Variants in HPSE2 observed in about 807,000 individuals in gnomAD.
The protein encoded by HPSE2 is inactive heparanase-2.
In HPSE2, 38 loss-of-function variants were observed where a neutral mutation model predicts 60.5. That is an observed-to-expected ratio of 0.63 (90% CI 0.48 to 0.82). The LOEUF is 0.82. Among genes scored for constraint, HPSE2 ranks in the 40% least tolerant of loss-of-function variants. HPSE2 has a pLI of 0.00. For missense variants in HPSE2, 713 were observed against 740.4 expected, an observed-to-expected ratio of 0.96 and a Z score of 0.43; for synonymous variants, 295 against 293.2, an observed-to-expected ratio of 1.01 and a Z score of -0.06.
intron 3 of HPSE2, among the ~76,000 whole-genome samples, chr10:99,095,567 C>G (rs990545679): frequency 2.0e-5 from 3 of 152,206 alleles, no homozygotes; most frequent in African/African-American, 7.2e-5. Context: ...TTCAAAGCCT[C>G]CAGTTCTAGT....
At chr10:98,558,223 A>T (rs1944070045) in intron 9 of HPSE2, among the ~76,000 whole-genome samples, 1 of 152,198 alleles carries the variant, frequency 6.6e-6, no homozygotes, top group Non-Finnish European at 1.5e-5. Context: ...TATTAAAGCC[A>T]AATGTAAACA....
chr10:98,888,228 C>T lies in HPSE2; in HGVS notation c.611-144172G>A, dbSNP rs1953229096. Among the ~76,000 whole-genome samples, 3 of 151,142 alleles carry T rather than the reference C, an allele frequency of 2.0e-5. 1 individual carries two copies. Among genetic ancestry groups the T allele is most frequent in the Non-Finnish European group, 4.4e-5 (3 of 67,830 alleles). ...CTGAAGAAAACGGAGCAAATAGATC[C>T]TTTGTTATCTTGACATATAGTTTCC... On this transcript the variant is annotated intron_variant, in intron 3 of 11. Coordinates refer to ENST00000370552, the MANE Select transcript of HPSE2 (RefSeq NM_021828.5).
chr10:98,557,941 A>T (rs371160488), intron 9 of HPSE2, among the ~76,000 whole-genome samples: 71 of 152,334 alleles, frequency 4.7e-4, no homozygotes, highest in Middle Eastern at 6.8e-3. Context: ...TATCCAGAAT[A>T]TATAAAGAAA....
At chr10:98,880,064 A>T (rs1952982690) in intron 3 of HPSE2, among the ~76,000 whole-genome samples, 1 of 151,996 alleles carries the variant, frequency 6.6e-6, no homozygotes, top group South Asian at 2.1e-4. Context: ...TTCTGTGTTT[A>T]TTATAATCTC....
At chr10:98,954,780 C>A (rs1043107112) in intron 3 of HPSE2, among the ~76,000 whole-genome samples, 5 of 151,816 alleles carry the variant, frequency 3.3e-5, no homozygotes, top group African/African-American at 7.3e-5. Flanking sequence ...ATATAAACTC[C>A]GCATTTTCCA....
Position 98,539,218 on chromosome 10 carries a change from C to T in HPSE2, c.1321-49022G>A, listed in dbSNP as rs549603949. Among the ~76,000 whole-genome samples the T allele has an allele frequency of 5.3e-5, 8 of 152,292 alleles. No homozygotes were observed. In the South Asian group the frequency reaches 1.7e-3, roughly 32 times the overall value. ...TGGTAACTGCAAGGCATGACACTTA[C>T]CCTTCCTTAAAAAGCATGTTAGGCT... is the stretch of plus-strand genomic sequence containing the variant. On this transcript the variant is annotated intron_variant, in intron 9 of 11. Transcript: ENST00000370552.
chr10:98,911,559 C>T (rs1373847519), intron 3 of HPSE2, among the ~76,000 whole-genome samples: 1 of 152,046 alleles, frequency 6.6e-6, no homozygotes, highest in African/African-American at 2.4e-5. Flanking sequence ...AATACCACCA[C>T]ATTTGGTGCA....
intron 3 of HPSE2, among the ~76,000 whole-genome samples, chr10:98,957,591 TAA>T (rs1257594304): frequency 3.9e-5 from 6 of 152,222 alleles, no homozygotes; most frequent in African/African-American, 1.4e-4. Flanking sequence ...CCAATTTATC[TAA>T]GTCTTCTTGT....
rs149808710 is a variant in HPSE2, at chr10:99,174,682, C to G, written c.449-30283G>C. On this transcript the variant is annotated intron_variant, in intron 2 of 11. Transcript: ENST00000370552. ...GCATTGTATCCACCTAAAATTCATACGTTGAAGCCCTAACCCCCGGTACCT... is the reference window on the plus strand; with the variant it reads ...GCATTGTATCCACCTAAAATTCATAGGTTGAAGCCCTAACCCCCGGTACCT... 8.6e-4 allele frequency among the ~76,000 whole-genome samples: 131 copies of G among 152,256 alleles called. 2 individuals carry two copies. In the East Asian group the frequency reaches 0.017, roughly 20 times the overall value.
chr10:98,735,861 C>T (rs1426624402), intron 4 of HPSE2, among the ~76,000 whole-genome samples: 1 of 152,176 alleles, frequency 6.6e-6, no homozygotes, highest in East Asian at 1.9e-4. Flanking sequence ...TTTACAGGCT[C>T]ATAGGCAGAA....
At position 99,042,838 on chromosome 10, in the gene HPSE2, A is replaced by G. The variant is rs1957771004; in HGVS notation, c.610+101400T>C. Among the ~76,000 whole-genome samples the G allele has an allele frequency of 2.0e-5, 3 of 152,210 alleles. No individual in the cohort carries two copies. In the South Asian group the frequency reaches 6.2e-4, roughly 31 times the overall value. ...GTCACCTCTCTCCACACTGCAATAC[A>G]GAGCAGGGCTGCAAATGTCAGAAAC... On this transcript the variant is annotated intron_variant, in intron 3 of 11. Coordinates refer to ENST00000370552, the MANE Select transcript of HPSE2 (RefSeq NM_021828.5).
the HPSE2 span, among the ~76,000 whole-genome samples, chr10:99,250,337 G>T: frequency 6.6e-6 from 1 of 152,180 alleles, no homozygotes; most frequent in South Asian, 2.1e-4. Context: ...CCCAGTTTCA[G>T]ATATTTCTTA....
At chr10:99,108,401 G>GAA (rs778885603) in intron 3 of HPSE2, among the ~76,000 whole-genome samples, 3 of 132,886 alleles carry the variant, frequency 2.3e-5, no homozygotes, top group African/African-American at 2.8e-5. Context: ...ACACTGTTTA[G>GAA]AAAAAAAAAA....
intron 3 of HPSE2, among the ~76,000 whole-genome samples, chr10:98,999,626 T>A (rs563721867): frequency 4.1e-4 from 62 of 152,216 alleles, no homozygotes; most frequent in African/African-American, 1.5e-3. Context: ...AAGGATATTC[T>A]GTGGAGAGGA....
chr10:99,275,853 G>C, the HPSE2 span, among the ~76,000 whole-genome samples: 1 of 152,134 alleles, frequency 6.6e-6, no homozygotes, highest in Admixed American at 6.5e-5. Context: ...GGGACTGTAA[G>C]AGAACCCTTC....
chr10:99,015,598 C>T (rs1457533154), intron 3 of HPSE2, among the ~76,000 whole-genome samples: 1 of 150,180 alleles, frequency 6.7e-6, no homozygotes, highest in Non-Finnish European at 1.5e-5. Flanking sequence ...TGTTCTCACT[C>T]ATAGGTGGGA....
chr10:99,302,380 C>G, the HPSE2 span, among the ~76,000 whole-genome samples: 2 of 144,786 alleles, frequency 1.4e-5, no homozygotes, highest in African/African-American at 4.9e-5. Flanking sequence ...GTCCAGCTCC[C>G]AAAGGAGGTA....
intron 9 of HPSE2, among the ~76,000 whole-genome samples, chr10:98,592,679 T>C (rs759047726): frequency 5.3e-4 from 80 of 152,226 alleles, no homozygotes; most frequent in Non-Finnish European, 7.3e-4. Context: ...TTAATCCACA[T>C]GCTTATGATT....
At chr10:98,562,488 G>A (rs1014084211) in intron 9 of HPSE2, among the ~76,000 whole-genome samples, 12 of 151,962 alleles carry the variant, frequency 7.9e-5, no homozygotes, top group African/African-American at 2.4e-4. Context: ...AGGCTGAGGC[G>A]GGCGGATCAC....
Sources: gnomAD v4.1 joint callset for allele counts (sites outside exome capture counted in the v4.1 genomes callset) on GRCh38, gnomAD v4.1.1 for gene constraint, MANE v1.5 for transcripts, NCBI Gene and HGNC (gene_info 2026-07-23, HGNC 2026-07-21) for gene names.